The following ATP2B1 variants were observed in gnomAD, a reference collection of about 807,000 sequenced individuals.
The protein encoded by ATP2B1 is ATPase plasma membrane Ca2+ transporting 1, also known as plasma membrane calcium-transporting ATPase 1.
A neutral mutation model predicts 124.2 loss-of-function variants in ATP2B1; 14 were observed. That is an observed-to-expected ratio of 0.11 (90% CI 0.07 to 0.18). The LOEUF (loss-of-function observed/expected upper bound fraction) is 0.18, where lower values mean the gene tolerates loss of function less well. ATP2B1 is among the 10% of genes least tolerant of loss of function. The pLI is 1.00. For missense variants in ATP2B1, 763 were observed against 1,466.1 expected (o/e 0.52, Z 7.83); for synonymous variants, 449 against 492.4 (o/e 0.91, Z 1.17).
intron 3 of ATP2B1, among the ~76,000 whole-genome samples, chr12:89,640,685 G>A (rs1883368731): frequency 6.6e-6 from 1 of 152,098 alleles, no homozygotes; most frequent in South Asian, 2.1e-4. Context: ...CAGGGCCTAA[G>A]GGGAGGTGTT....
chr12:89,593,588 A>G (rs537523046), intron 20 of ATP2B1: 1 of 152,118 alleles, frequency 6.6e-6, no homozygotes, highest in South Asian at 2.1e-4. Context: ...GAAAATATCT[A>G]GAGCTCAGAA....
At chr12:89,640,910 T>C (rs1883402426) in intron 3 of ATP2B1, among the ~76,000 whole-genome samples, 1 of 152,240 alleles carries the variant, frequency 6.6e-6, no homozygotes, top group South Asian at 2.1e-4. Flanking sequence ...CCACGTTTCC[T>C]GTACAGCCTG....
intron 2 of ATP2B1, among the ~76,000 whole-genome samples, chr12:89,645,115 G>A (rs1884245447): frequency 6.6e-6 from 1 of 152,046 alleles, no homozygotes; most frequent in Non-Finnish European, 1.5e-5. Flanking sequence ...TCAAGGGAGG[G>A]CACTAATATC....
intron 15 of ATP2B1, among the ~76,000 whole-genome samples, chr12:89,604,845 C>G (rs145173481): frequency 7.1e-6 from 1 of 140,196 alleles, no homozygotes; most frequent in Non-Finnish European, 1.6e-5. Context: ...CCCTTTCCCC[C>G]CAACAACAGA....
At chr12:89,635,690 A>G (rs1037822248) in intron 3 of ATP2B1, among the ~76,000 whole-genome samples, 1 of 152,232 alleles carries the variant, frequency 6.6e-6, no homozygotes, top group African/African-American at 2.4e-5. Context: ...CATATTAATT[A>G]TTACATATGA....
chr12:89,596,738 T>G (rs768492709), intron 20 of ATP2B1, among the ~76,000 whole-genome samples: 2 of 152,138 alleles, frequency 1.3e-5, no homozygotes, highest in Non-Finnish European at 2.9e-5. Context: ...TAGGTTTGAA[T>G]TTTTCAAATT....
intron 1 of ATP2B1, among the ~76,000 whole-genome samples, chr12:89,678,878 CCA>C (rs1889004971): frequency 1.3e-5 from 2 of 152,152 alleles, no homozygotes; most frequent in Non-Finnish European, 1.5e-5. Flanking sequence ...TGCTAGGCAT[CCA>C]CAGTGTTCGT....
chr12:89,701,978 C>A (rs560995061), intron 1 of ATP2B1, among the ~76,000 whole-genome samples: 1 of 152,336 alleles, frequency 6.6e-6, no homozygotes, highest in South Asian at 2.1e-4. Context: ...CAGCTCTCAA[C>A]TCCAGGAAAC....
chr12:89,637,957 T>C (rs1005818873), intron 3 of ATP2B1, among the ~76,000 whole-genome samples: 11 of 152,186 alleles, frequency 7.2e-5, no homozygotes, highest in African/African-American at 2.4e-4. Flanking sequence ...AAAAGAGAAC[T>C]TGAAGCAAAT....
intron 1 of ATP2B1, among the ~76,000 whole-genome samples, chr12:89,694,717 C>CCCT (rs2136772336): frequency 1.3e-5 from 2 of 152,216 alleles, no homozygotes; most frequent in East Asian, 3.9e-4. Flanking sequence ...ACTTAGAAAA[C>CCCT]CCTCCAAATG....
intron 1 of ATP2B1, among the ~76,000 whole-genome samples, chr12:89,694,252 C>T (rs1890868674): frequency 6.6e-6 from 1 of 152,126 alleles, no homozygotes; most frequent in South Asian, 2.1e-4. Context: ...CATAATCTGT[C>T]CTATTCTCTC....
At chr12:89,680,016 TTCACTACCA>T (rs1889140643) in intron 1 of ATP2B1, among the ~76,000 whole-genome samples, 1 of 152,120 alleles carries the variant, frequency 6.6e-6, no homozygotes, top group Admixed American at 6.6e-5. Flanking sequence ...CTGCCTCCTC[TTCACTACCA>T]TCATTATCCA....
chr12:89,655,857 A>C lies in ATP2B1; in HGVS notation c.30T>G (p.Ala10=), dbSNP rs772747914. The C allele has an allele frequency of 5.0e-6, 8 of 1,609,686 alleles. No homozygotes were observed. In the South Asian group the frequency reaches 5.5e-5, roughly 11 times the overall value. The change falls in exon 2 of 21, where the codon GCT becomes GCG. Residue 10 remains alanine, a synonymous_variant. Transcript: ENST00000428670. ...TCAAAGAGTTTTTCACACCACTGTA[A>C]GCAACTGAGTTGTTTGCCATGTCGC... The part of the protein sequence containing the change: MGDMANNSV[A]YSGVKNSLKE...
chr12:89,604,722 CA>C (rs557139955), intron 15 of ATP2B1, among the ~76,000 whole-genome samples: 1 of 151,880 alleles, frequency 6.6e-6, no homozygotes, highest in South Asian at 2.1e-4. Flanking sequence ...AACAAACAAA[CA>C]AAAAACCCAT....
At chr12:89,625,584 C>CAACAA (rs1880724241) in intron 8 of ATP2B1, among the ~76,000 whole-genome samples, 1 of 81,606 alleles carries the variant, frequency 1.2e-5, no homozygotes, top group African/African-American at 4.8e-5. Context: ...GACCCTGTCT[C>CAACAA]AAAAAAAAAA....
At chr12:89,599,610 T>TAA (rs1343315690) in intron 19 of ATP2B1, among the ~76,000 whole-genome samples, 1 of 152,168 alleles carries the variant, frequency 6.6e-6, no homozygotes. Flanking sequence ...TGTATTTACT[T>TAA]AAAAAGTCCT....
intron 20 of ATP2B1, among the ~76,000 whole-genome samples, chr12:89,597,763 T>C (rs995459056): frequency 6.6e-6 from 1 of 152,146 alleles, no homozygotes; most frequent in South Asian, 2.1e-4. Flanking sequence ...TTATAGCTTA[T>C]AAGGCTTTTA....
intron 1 of ATP2B1, among the ~76,000 whole-genome samples, chr12:89,670,241 C>CA (rs1172880767): frequency 6.6e-6 from 1 of 151,978 alleles, no homozygotes; most frequent in African/African-American, 2.4e-5. Flanking sequence ...GCTAATCTGT[C>CA]AGAGGAGCAA....
At chr12:89,646,215 C>T (rs1884434471) in intron 2 of ATP2B1, among the ~76,000 whole-genome samples, 1 of 152,036 alleles carries the variant, frequency 6.6e-6, no homozygotes, top group East Asian at 1.9e-4. Context: ...GTTAATGGTT[C>T]TGTTTCATAG....
Sources: gnomAD v4.1 joint callset for allele counts (sites outside exome capture counted in the v4.1 genomes callset) on GRCh38, gnomAD v4.1.1 for gene constraint, MANE v1.5 for transcripts, NCBI Gene and HGNC (gene_info 2026-07-23, HGNC 2026-07-21) for gene names.